The following DNAH14 variants were observed in gnomAD, a reference collection of about 807,000 sequenced individuals.
DNAH14 encodes the protein dynein axonemal heavy chain 14, also known as axonemal beta dynein heavy chain 14.
A neutral mutation model predicts 520.9 loss-of-function variants in DNAH14; 478 were observed. The ratio of observed to expected loss-of-function variants is 0.92; its 90% confidence interval spans 0.85 to 0.99. DNAH14 has a LOEUF of 0.99. Ranked by LOEUF, DNAH14 falls within the 50% of genes least tolerant of loss-of-function variation. DNAH14 has a pLI of 0.00. For synonymous variants in DNAH14, 1,581 were observed against 1,757.2 expected, an observed-to-expected ratio of 0.90 and a Z score of 2.51; for missense variants, 4,831 against 5,234.5, an observed-to-expected ratio of 0.92 and a Z score of 2.38.
chr1:225,135,458 A>G (rs2078867420), intron 27 of DNAH14, among the ~76,000 whole-genome samples: 1 of 152,014 alleles, frequency 6.6e-6, no homozygotes, highest in Admixed American at 6.6e-5. Flanking sequence ...ATGTAGTTGT[A>G]TGGTTTTGAG....
At chr1:225,379,118 C>T (rs1445139126) in intron 79 of DNAH14, among the ~76,000 whole-genome samples, 2 of 152,134 alleles carry the variant, frequency 1.3e-5, no homozygotes, top group African/African-American at 2.4e-5. Flanking sequence ...ACGCGCTCCT[C>T]CTGTCACCAC....
intron 41 of DNAH14, among the ~76,000 whole-genome samples, chr1:225,209,941 A>G (rs945795573): frequency 6.6e-6 from 1 of 152,092 alleles, no homozygotes; most frequent in Non-Finnish European, 1.5e-5. Context: ...GTGAGGGACA[A>G]TGCCATGAGG....
chr1:225,091,891 C>G (rs2074428483), intron 21 of DNAH14, among the ~76,000 whole-genome samples: 1 of 151,830 alleles, frequency 6.6e-6, no homozygotes. Flanking sequence ...ACCAAGAAAA[C>G]AGGAAACAGA....
chr1:225,179,665 A>C (rs2083743094), intron 36 of DNAH14, among the ~76,000 whole-genome samples: 1 of 152,220 alleles, frequency 6.6e-6, no homozygotes, highest in Non-Finnish European at 1.5e-5. Flanking sequence ...TTACAGTATT[A>C]GAGTAATCTG....
intron 8 of DNAH14, among the ~76,000 whole-genome samples, chr1:224,977,900 G>A (rs1430114810): frequency 6.6e-6 from 1 of 151,122 alleles, no homozygotes; most frequent in African/African-American, 2.5e-5. Context: ...CAAATGGCCA[G>A]CAGGTATATG....
At chr1:225,014,429 TTA>T (rs1052776988) in intron 10 of DNAH14, among the ~76,000 whole-genome samples, 1 of 152,100 alleles carries the variant, frequency 6.6e-6, no homozygotes, top group Non-Finnish European at 1.5e-5. Context: ...TTTTTTTTTT[TTA>T]ATGTAGGCAC....
rs1479754787 is a variant in DNAH14, at chr1:225,228,776, C to CA, written c.6440-2291dup. Among the ~76,000 whole-genome samples the CA allele has an allele frequency of 3.3e-5, 5 of 151,950 alleles. 1 individual carries two copies. The highest frequency in any genetic ancestry group is 5.9e-5 in the Non-Finnish European group (4 of 67,976). On this transcript the variant is annotated intron_variant, in intron 41 of 85. Transcript: ENST00000682510. Reference sequence around the variant, plus strand: ...ACTCTTCAATCAACAAAACCTGATGCAAAAAACAGAAAAGGGGGAGATGTA... The same window carrying CA: ...ACTCTTCAATCAACAAAACCTGATGCAAAAAAACAGAAAAGGGGGAGATGTA...
At chr1:225,239,067 G>T (rs1033314151) in intron 42 of DNAH14, among the ~76,000 whole-genome samples, 4 of 152,210 alleles carry the variant, frequency 2.6e-5, no homozygotes, top group African/African-American at 9.6e-5. Flanking sequence ...TATTGCCAGT[G>T]GCTGGCTGGA....
intron 17 of DNAH14, among the ~76,000 whole-genome samples, chr1:225,052,879 C>T (rs1365400568): frequency 2.6e-5 from 4 of 152,106 alleles, no homozygotes; most frequent in South Asian, 2.1e-4. Flanking sequence ...AAAGAGACAA[C>T]ATAGGGCTAG....
intron 27 of DNAH14, among the ~76,000 whole-genome samples, chr1:225,132,197 T>G (rs2078489922): frequency 6.6e-6 from 1 of 152,076 alleles, no homozygotes; most frequent in African/African-American, 2.4e-5. Flanking sequence ...GTTGTTGTTT[T>G]TTTTTTCATC....
intron 42 of DNAH14, among the ~76,000 whole-genome samples, chr1:225,238,528 G>A (rs769035773): frequency 4.6e-5 from 7 of 152,248 alleles, no homozygotes; most frequent in East Asian, 1.9e-4. Context: ...ACCTGTTTCC[G>A]GCCTGAACGC....
chr1:225,163,495 T>G (rs1024160244), intron 35 of DNAH14, among the ~76,000 whole-genome samples: 2 of 152,230 alleles, frequency 1.3e-5, no homozygotes, highest in Non-Finnish European at 2.9e-5. Flanking sequence ...GCTGTGGGTC[T>G]GTCATGTGGT....
chr1:224,952,472 A>G (rs1483975411), intron 1 of DNAH14, among the ~76,000 whole-genome samples, 198 bp from the exon 2 acceptor site: 1 of 152,220 alleles, frequency 6.6e-6, no homozygotes, highest in East Asian at 1.9e-4. Flanking sequence ...GTTAGACAAT[A>G]TAGAGATTGC....
At chr1:225,029,860 T>C (rs1049188893) in intron 11 of DNAH14, among the ~76,000 whole-genome samples, 1 of 152,086 alleles carries the variant, frequency 6.6e-6, no homozygotes, top group African/African-American at 2.4e-5. Context: ...GTCAAACCTA[T>C]AAATAATAAA....
chr1:225,130,828 AT>A (rs758111130), intron 27 of DNAH14, among the ~76,000 whole-genome samples: 2 of 140,868 alleles, frequency 1.4e-5, no homozygotes, highest in African/African-American at 2.5e-5. Context: ...AATAATAATA[AT>A]AATAAAATAA....
chr1:225,108,816 A>C (rs1339270013), intron 23 of DNAH14, among the ~76,000 whole-genome samples: 1 of 152,198 alleles, frequency 6.6e-6, no homozygotes, highest in African/African-American at 2.4e-5. Flanking sequence ...GAATTTCCAC[A>C]GCGTTTTCTT....
chr1:225,210,595 A>G (rs2088242279), intron 41 of DNAH14, among the ~76,000 whole-genome samples: 1 of 151,994 alleles, frequency 6.6e-6, no homozygotes, highest in Non-Finnish European at 1.5e-5. Flanking sequence ...AGACTTAAAC[A>G]TTCCTTCTGC....
chr1:225,356,171 T>A (rs899698005), intron 73 of DNAH14, among the ~76,000 whole-genome samples: 1 of 152,174 alleles, frequency 6.6e-6, no homozygotes, highest in Non-Finnish European at 1.5e-5. Context: ...CACACATTTG[T>A]TTTTTGTTTT....
intron 7 of DNAH14, among the ~76,000 whole-genome samples, chr1:224,970,105 A>G (rs1259476638): frequency 5.9e-5 from 9 of 152,220 alleles, no homozygotes; most frequent in Non-Finnish European, 1.3e-4. Context: ...ATATCTCTGA[A>G]TTCTTTTTCT....
Sources: gnomAD v4.1 joint callset for allele counts (sites outside exome capture counted in the v4.1 genomes callset) on GRCh38, gnomAD v4.1.1 for gene constraint, MANE v1.5 for transcripts, NCBI Gene and HGNC (gene_info 2026-07-23, HGNC 2026-07-21) for gene names.